Variants in CFAP47 observed in about 807,000 individuals in gnomAD.
CFAP47 encodes the protein cilia- and flagella-associated protein 47.
Under a neutral mutation model 148.1 loss-of-function variants are expected in CFAP47, and 29 were observed. The observed-to-expected ratio is 0.20, with a 90% CI of 0.15 to 0.27. CFAP47 has a LOEUF of 0.27. Among genes scored for constraint, CFAP47 ranks in the 10% least tolerant of loss-of-function variants. The pLI is 1.00. For missense variants in CFAP47, 1,872 were observed against 1,697.5 expected, an observed-to-expected ratio of 1.10 and a Z score of -1.81; for synonymous variants, 664 against 577.3, an observed-to-expected ratio of 1.15 and a Z score of -2.15.
At chrX:35,961,232 C>T (rs898490337) in intron 8 of CFAP47, among the ~76,000 whole-genome samples, 6 of 111,552 alleles carry the variant, frequency 5.4e-5, no homozygotes, top group African/African-American at 1.6e-4. Flanking sequence ...TCAGTTTGAT[C>T]GTATTTAGTT....
chrX:36,195,954 T>G (rs1194851772), intron 42 of CFAP47, among the ~76,000 whole-genome samples: 1 of 111,810 alleles, frequency 8.9e-6, no homozygotes, highest in Non-Finnish European at 1.9e-5. Flanking sequence ...ATACCACCAA[T>G]TATTATTAAA....
intron 21 of CFAP47, among the ~76,000 whole-genome samples, chrX:36,013,102 A>ACATTTGGAGCTGCCTGTTTAC (rs1418109675): frequency 9.0e-6 from 1 of 111,043 alleles, no homozygotes; most frequent in African/African-American, 3.3e-5. Context: ...GGGGCCATGG[A>ACATTTGGAGCTGCCTGTTTAC]CATTTGGAGC....
intron 2 of CFAP47, among the ~76,000 whole-genome samples, chrX:35,940,323 G>A (rs758310916): frequency 9.0e-6 from 1 of 110,676 alleles, no homozygotes; most frequent in Admixed American, 9.7e-5. Flanking sequence ...GTCAATTTTG[G>A]CTTTTGTTGC....
intron 49 of CFAP47, among the ~76,000 whole-genome samples, chrX:36,257,494 G>A (rs1322672825): frequency 9.3e-6 from 1 of 108,012 alleles, no homozygotes; most frequent in African/African-American, 3.4e-5. Flanking sequence ...GTGTGAACAT[G>A]GCTTACTGTA....
intron 49 of CFAP47, among the ~76,000 whole-genome samples, chrX:36,266,265 G>A (rs782220201): frequency 2.5e-4 from 28 of 110,632 alleles, no homozygotes; most frequent in Non-Finnish European, 3.6e-4. Context: ...GGATGCACTC[G>A]GGCTGGGTTG....
intron 57 of CFAP47, among the ~76,000 whole-genome samples, chrX:36,337,856 CTTTTTTT>C (rs1196038760): frequency 5.1e-5 from 3 of 58,342 alleles, no homozygotes; most frequent in Non-Finnish European, 8.5e-5. Flanking sequence ...TTCCATAATC[CTTTTTTT>C]TTTTTTTTTT....
chrX:35,977,655 T>G (rs1330878561), intron 15 of CFAP47, among the ~76,000 whole-genome samples: 1 of 111,589 alleles, frequency 9.0e-6, no homozygotes, highest in Non-Finnish European at 1.9e-5. Context: ...TATACTATAC[T>G]TCATATTTCA....
intron 33 of CFAP47, among the ~76,000 whole-genome samples, chrX:36,118,933 A>T (rs1381774110): frequency 8.9e-6 from 1 of 112,224 alleles, no homozygotes; most frequent in Non-Finnish European, 1.9e-5. Flanking sequence ...GTAGTCTGCA[A>T]GTTTACTGAA....
chrX:36,358,637 C>T (rs1294116372), intron 60 of CFAP47, among the ~76,000 whole-genome samples: 1 of 111,558 alleles, frequency 9.0e-6, no homozygotes, highest in Non-Finnish European at 1.9e-5. Context: ...TCTTAGAAGT[C>T]CCACATCTTC....
chrX:36,318,843 G>A (rs982417268), intron 56 of CFAP47, among the ~76,000 whole-genome samples: 6 of 111,112 alleles, frequency 5.4e-5, no homozygotes, highest in African/African-American at 2.0e-4. Context: ...AAAATTCCAA[G>A]ATTTTTAAAA....
chrX:36,340,939 A>G (rs1196080762), intron 57 of CFAP47, among the ~76,000 whole-genome samples: 1 of 111,869 alleles, frequency 8.9e-6, no homozygotes, highest in African/African-American at 3.2e-5. Context: ...TTTCAAAAAT[A>G]AAAACAAGTA....
chrX:36,361,387 A>C lies in CFAP47; in HGVS notation c.8909A>C (p.Lys2970Thr), dbSNP rs1556019210. The C allele has an allele frequency of 1.8e-6, 2 of 1,119,347 alleles. No individual in the cohort carries two copies. Among genetic ancestry groups the C allele is most frequent in the South Asian group, 4.2e-5 (2 of 47,746 alleles). The allele number at this position is 1,119,347 out of a possible 1,213,427, so 92.2% of individuals were successfully genotyped here. ...ATTCAATTTGAATCTGAAGCTATGA[A>C]GTCTAAGTTGGAATCCTGTGTAGCT... ...YEIQFESEAM[K>T]SKLESCVALY... is the part of the protein sequence containing the mutation. Residue 2970 changes from lysine (K) to threonine (T), a missense_variant, in exon 61 of 64, where the codon AAG becomes ACG. By Grantham distance (78) the Lys-to-Thr change is moderately conservative. Transcript: ENST00000378653.
At position 36,371,778 on chromosome X, in the gene CFAP47, GTGTATATATGTGTGTATATACACACA is replaced by G. The variant is rs1400401379; in HGVS notation, c.9185+4666_9185+4691del. 1.1e-3 allele frequency among the ~76,000 whole-genome samples: 53 copies of G among 49,774 alleles called. 5 individuals are homozygous for G. Among genetic ancestry groups the G allele is most frequent in the Middle Eastern group, 0.015 (1 of 67 alleles). The allele number at this position is 49,774 out of a possible 115,157, so 43.2% of individuals were successfully genotyped here. A position where few individuals can be genotyped will look rare whatever the true frequency, so the allele number is the denominator to read the frequency against. ...CACACATGTGTGTATATACACACATGTGTATATATGTGTGTATATACACACATGTATATATGTGTGCATATACACAC... is the reference window on the plus strand; with the variant it reads ...CACACATGTGTGTATATACACACATGTGTATATATGTGTGCATATACACAC... On this transcript the variant is annotated intron_variant, in intron 62 of 63. Transcript: ENST00000378653.
chrX:36,352,235 C>A (rs781849955), intron 59 of CFAP47, among the ~76,000 whole-genome samples: 111 of 111,241 alleles, frequency 1.0e-3, no homozygotes, highest in African/African-American at 3.4e-3. Flanking sequence ...ACTTTGATAA[C>A]ATTAATTTCT....
At chrX:36,029,728 A>G (rs1431013797) in intron 22 of CFAP47, among the ~76,000 whole-genome samples, 1 of 109,682 alleles carries the variant, frequency 9.1e-6, no homozygotes, top group Admixed American at 9.8e-5. Flanking sequence ...GGATTATGTC[A>G]TATATGTGTA....
In CFAP47 at chrX:36,190,063, C is replaced by A. The variant is rs782338714; in HGVS notation, c.6188C>A (p.Thr2063Asn). The change falls in exon 42 of 64, where the codon ACT becomes AAT. Residue 2063 changes from threonine (T) to asparagine (N), a missense_variant. Transcript: ENST00000378653. ...TATGTTTTGCTAGCAATTAAGTCCA[C>A]TTTTATCAGAGAGTTCTTCTGCTCC... ...PNVLHTSIKS[T>N]FIREFFCSMH... 5 of 296,635 alleles carry A rather than the reference C, an allele frequency of 1.7e-5. No individual in the cohort carries two copies. Among genetic ancestry groups the A allele is most frequent in the African/African-American group, 1.4e-4 (5 of 36,683 alleles). The allele number at this position is 296,635 out of a possible 1,213,427, so 24.4% of individuals were successfully genotyped here.
At chrX:35,983,045 G>A (rs1314892037) in intron 15 of CFAP47, among the ~76,000 whole-genome samples, 4 of 111,756 alleles carry the variant, frequency 3.6e-5, no homozygotes, top group African/African-American at 9.7e-5. Flanking sequence ...CATTGCTTTG[G>A]TCATTTTAAC....
intron 60 of CFAP47, among the ~76,000 whole-genome samples, chrX:36,354,579 T>G: frequency 9.0e-6 from 1 of 110,983 alleles, no homozygotes; most frequent in East Asian, 2.8e-4. Context: ...GTGTTTTACT[T>G]GAGGTAAATA....
rs189192773 is a variant in CFAP47 at position 36,240,137 on chromosome X, G to A, written c.7332+3278G>A. Among the ~76,000 whole-genome samples, 401 of 111,323 alleles carry A rather than the reference G, an allele frequency of 3.6e-3. 4 individuals are homozygous for A. Among genetic ancestry groups the A allele is most frequent in the African/African-American group, 0.012 (365 of 30,725 alleles). On this transcript the variant is annotated intron_variant, in intron 48 of 63. Coordinates refer to ENST00000378653, the MANE Select transcript of CFAP47 (RefSeq NM_001304548.2). Reference sequence around the variant, plus strand: ...ACAATGAAAACAAACCATTAGGAGGGGATGATCTGATTTCCAAAGTGGCTA... The same window carrying A: ...ACAATGAAAACAAACCATTAGGAGGAGATGATCTGATTTCCAAAGTGGCTA...
Sources: allele counts gnomAD v4.1 joint callset (sites outside exome capture counted in the v4.1 genomes callset), GRCh38; gene constraint gnomAD v4.1.1; transcripts MANE v1.5; gene names NCBI Gene and HGNC (gene_info 2026-07-23, HGNC 2026-07-21).